Variants in ADAMTS19 observed in about 807,000 individuals in gnomAD.
The protein encoded by ADAMTS19 is ADAM metallopeptidase with thrombospondin type 1 motif 19, also known as A disintegrin and metalloproteinase with thrombospondin motifs 19.
Under a neutral mutation model 153.3 loss-of-function variants are expected in ADAMTS19, and 93 were observed. That is an observed-to-expected ratio of 0.61 (90% CI 0.51 to 0.72). ADAMTS19 has a LOEUF of 0.72. Among genes scored for constraint, ADAMTS19 ranks in the 30% least tolerant of loss-of-function variants. The pLI, the probability that ADAMTS19 is intolerant of heterozygous loss-of-function variation, is 0.00. For missense variants in ADAMTS19, 1,482 were observed against 1,552.1 expected (o/e 0.95, Z 0.76); for synonymous variants, 600 against 556.6 (o/e 1.08, Z -1.10).
At chr5:129,583,251 G>A (rs1749614238) in intron 7 of ADAMTS19, among the ~76,000 whole-genome samples, 1 of 152,150 alleles carries the variant, frequency 6.6e-6, no homozygotes. Context: ...AATCTATTCT[G>A]GCTTGTAGGG....
intron 6 of ADAMTS19, among the ~76,000 whole-genome samples, chr5:129,535,969 A>T (rs1752404962): frequency 6.6e-6 from 1 of 152,182 alleles, no homozygotes; most frequent in Non-Finnish European, 1.5e-5. Flanking sequence ...CTAGAAGAAC[A>T]CCTAGGCAAT....
chr5:129,639,765 ATTC>A (rs1300897011), intron 10 of ADAMTS19, among the ~76,000 whole-genome samples: 5 of 152,200 alleles, frequency 3.3e-5, no homozygotes, highest in African/African-American at 1.2e-4. Flanking sequence ...GTAAAGAAAA[ATTC>A]TTCTTTGAAT....
intron 2 of ADAMTS19, among the ~76,000 whole-genome samples, chr5:129,499,907 A>C (rs1561540310): frequency 6.6e-6 from 1 of 152,094 alleles, no homozygotes; most frequent in Admixed American, 6.6e-5. Context: ...TCTGTAACCC[A>C]TTCCTAGTAC....
chr5:129,600,562 C>G (rs1402579554), intron 8 of ADAMTS19, among the ~76,000 whole-genome samples: 6 of 151,854 alleles, frequency 4.0e-5, no homozygotes, highest in African/African-American at 1.5e-4. Context: ...AGAACAAGTT[C>G]ATATATAGCT....
intron 2 of ADAMTS19, among the ~76,000 whole-genome samples, chr5:129,499,834 A>C (rs937765154): frequency 3.3e-5 from 5 of 152,120 alleles, no homozygotes; most frequent in African/African-American, 1.2e-4. Flanking sequence ...TCACATTCCC[A>C]CTTCCCATAC....
At position 129,643,591 on chromosome 5, in the gene ADAMTS19, GA is replaced by G. The variant is rs574189636; in HGVS notation, c.1872+1637del. Among the ~76,000 whole-genome samples, 43 of 151,540 alleles carry G rather than the reference GA, an allele frequency of 2.8e-4. No individual in the cohort carries two copies. In the South Asian group the frequency reaches 4.8e-3, roughly 17 times the overall value. On this transcript the variant is annotated intron_variant, in intron 11 of 22. Transcript: ENST00000274487. ...TTCTATGATTTCTTTAATTAGAAAA[GA>G]AAAAATGTACAAATTGTTTAAATCC...
At chr5:129,554,350 C>G (rs533506742) in intron 7 of ADAMTS19, among the ~76,000 whole-genome samples, 1 of 152,250 alleles carries the variant, frequency 6.6e-6, no homozygotes, top group East Asian at 1.9e-4. Flanking sequence ...TATGATTAGT[C>G]TAGGCCTCTC....
chr5:129,598,568 T>C (rs1750494795), intron 8 of ADAMTS19, among the ~76,000 whole-genome samples: 1 of 152,262 alleles, frequency 6.6e-6, no homozygotes, highest in South Asian at 2.1e-4. Context: ...TCAATACCAA[T>C]TGATTTCTAA....
chr5:129,522,332 C>CATTATATAT (rs1751850140), intron 3 of ADAMTS19, among the ~76,000 whole-genome samples: 1 of 58,626 alleles, frequency 1.7e-5, no homozygotes, highest in African/African-American at 8.9e-5. Flanking sequence ...CACACACACA[C>CATTATATAT]ATATATATAT....
chr5:129,718,442 T>C (rs1393736454), intron 21 of ADAMTS19, among the ~76,000 whole-genome samples: 1 of 152,036 alleles, frequency 6.6e-6, no homozygotes, highest in African/African-American at 2.4e-5. Context: ...ATTCCAAATA[T>C]CCATGTGTTA....
chr5:129,583,279 G>T (rs1463855565), intron 7 of ADAMTS19, among the ~76,000 whole-genome samples: 1 of 152,116 alleles, frequency 6.6e-6, no homozygotes, highest in Non-Finnish European at 1.5e-5. Context: ...AGAGAGATCT[G>T]GTATTAGTCT....
intron 10 of ADAMTS19, among the ~76,000 whole-genome samples, chr5:129,637,840 C>G (rs375132046): frequency 2.0e-5 from 3 of 152,080 alleles, no homozygotes; most frequent in Non-Finnish European, 4.4e-5. Flanking sequence ...AAGAGCGAGA[C>G]TCTGTCTCCA....
chr5:129,531,087 G>A (rs1165965455), intron 6 of ADAMTS19, among the ~76,000 whole-genome samples: 10 of 151,094 alleles, frequency 6.6e-5, no homozygotes, highest in Admixed American at 4.6e-4. Flanking sequence ...TAAAATATGT[G>A]TACAACCTCT....
chr5:129,686,359 A>C (rs1755090872), intron 18 of ADAMTS19, among the ~76,000 whole-genome samples: 1 of 152,132 alleles, frequency 6.6e-6, no homozygotes, highest in Non-Finnish European at 1.5e-5. Flanking sequence ...GATAGGATTG[A>C]TGGAGTATAG....
intron 3 of ADAMTS19, among the ~76,000 whole-genome samples, chr5:129,525,892 C>G (rs959159001): frequency 1.3e-5 from 2 of 151,910 alleles, no homozygotes. Context: ...ACTAACAAGA[C>G]CTTTATTTTG....
chr5:129,706,726 C>T lies in ADAMTS19; in HGVS notation c.3312+2335C>T, dbSNP rs548999761. Among the ~76,000 whole-genome samples, 44 of 152,214 alleles carry T rather than the reference C, an allele frequency of 2.9e-4. No homozygotes were observed. The South Asian group carries it at 8.3e-3, about 29-fold the overall frequency. ...TCATACAATGCTGCATGTGGAAATA[C>T]GGCTAGCAAATCCTATTTGCTTGAC... On this transcript the variant is annotated intron_variant, in intron 21 of 22. Transcript: ENST00000274487.
intron 10 of ADAMTS19, among the ~76,000 whole-genome samples, chr5:129,636,814 T>G (rs1752553124): frequency 6.6e-6 from 1 of 152,260 alleles, no homozygotes; most frequent in Admixed American, 6.5e-5. Flanking sequence ...TTAAGATTTA[T>G]CCTCATTTTT....
intron 6 of ADAMTS19, among the ~76,000 whole-genome samples, chr5:129,540,002 A>C (rs2126796502): frequency 6.6e-6 from 1 of 152,248 alleles, no homozygotes; most frequent in Admixed American, 6.6e-5. Flanking sequence ...AGTTAAGGAA[A>C]AAATATCCCT....
chr5:129,550,786 C>T lies in ADAMTS19; in HGVS notation c.1329-1078C>T, dbSNP rs1753063304. The stretch of plus-strand genomic sequence containing the variant: ...AAATTTTTTTAAAAGGATAATTTTA[C>T]ATTTCTCATTTATGTACACACAAAA... On this transcript the variant is annotated intron_variant, in intron 6 of 22. Transcript: ENST00000274487. 2.0e-5 allele frequency among the ~76,000 whole-genome samples: 3 copies of T among 151,278 alleles called. No homozygotes were observed. In the South Asian group the frequency reaches 6.2e-4, roughly 31 times the overall value.
Sources: allele counts gnomAD v4.1 joint callset (sites outside exome capture counted in the v4.1 genomes callset), GRCh38; gene constraint gnomAD v4.1.1; transcripts MANE v1.5; gene names NCBI Gene and HGNC (gene_info 2026-07-23, HGNC 2026-07-21).